The following FANCB variants were observed in gnomAD, a reference collection of about 807,000 sequenced individuals.
FANCB encodes FA complementation group B, also known as Fanconi anemia group B protein.
A neutral mutation model predicts 38.9 loss-of-function variants in FANCB; 5 were observed. That is an observed-to-expected ratio of 0.13 (90% CI 0.07 to 0.27). The LOEUF is 0.27. Among genes scored for constraint, FANCB ranks in the 10% least tolerant of loss-of-function variants. The pLI is 1.00. For synonymous variants in FANCB, 236 were observed against 215.4 expected, an observed-to-expected ratio of 1.10 and a Z score of -0.84; for missense variants, 573 against 602.7, an observed-to-expected ratio of 0.95 and a Z score of 0.52.
At chrX:14,699,580 A>C in the FANCB span, among the ~76,000 whole-genome samples, 4 of 112,377 alleles carry the variant, frequency 3.6e-5, no homozygotes, top group African/African-American at 1.3e-4. Flanking sequence ...TTTCTTCACC[A>C]AATCATCTCT....
the FANCB span, among the ~76,000 whole-genome samples, chrX:14,824,377 T>C: frequency 2.7e-5 from 3 of 112,369 alleles, no homozygotes; most frequent in Non-Finnish European, 5.6e-5. Flanking sequence ...CGGTTTTTTT[T>C]ACACATTATG....
downstream of FANCB, chrX:14,834,822 T>A (rs1456222731): frequency 1.8e-6 from 1 of 556,637 alleles, no homozygotes; most frequent in Non-Finnish European, 3.2e-6. Flanking sequence ...AAAATCATCA[T>A]CATCATCATC....
At chrX:14,831,214 C>T (rs865943574), downstream of FANCB, among the ~76,000 whole-genome samples, 165 of 111,997 alleles carry the variant, frequency 1.5e-3, no homozygotes, top group African/African-American at 5.0e-3. Context: ...TATTAGTTTA[C>T]CACCCACTAT....
the FANCB span, among the ~76,000 whole-genome samples, chrX:14,693,060 AAG>A: frequency 2.7e-3 from 277 of 104,123 alleles, 1 homozygote; most frequent in African/African-American, 8.8e-3. Context: ...AAAAAAAAGA[AAG>A]AGGGAATGCA....
downstream of FANCB, chrX:14,834,678 T>G (rs1472013640): frequency 6.2e-6 from 4 of 646,443 alleles, no homozygotes; most frequent in Non-Finnish European, 1.0e-5. Flanking sequence ...TTTGAAGGAT[T>G]CTTGTCCTTT....
chrX:14,707,809 G>A, the FANCB span, among the ~76,000 whole-genome samples: 1 of 110,374 alleles, frequency 9.1e-6, no homozygotes, highest in African/African-American at 3.3e-5. Context: ...TTAGATGACA[G>A]TCTTTATTTT....
the FANCB span, among the ~76,000 whole-genome samples, chrX:14,811,233 C>G: frequency 9.0e-6 from 1 of 111,363 alleles, no homozygotes; most frequent in Non-Finnish European, 1.9e-5. Flanking sequence ...TAAAGACCAT[C>G]GAGGCTAGGA....
At chrX:14,712,411 C>T in the FANCB span, among the ~76,000 whole-genome samples, 5 of 111,775 alleles carry the variant, frequency 4.5e-5, no homozygotes, top group African/African-American at 1.6e-4. Flanking sequence ...TAGATCCTCT[C>T]CACTAATCGC....
At chrX:14,825,714 T>C in the FANCB span, among the ~76,000 whole-genome samples, 2 of 112,182 alleles carry the variant, frequency 1.8e-5, no homozygotes, top group African/African-American at 6.5e-5. Flanking sequence ...ATCTAGATAT[T>C]ATTATATTGT....
the FANCB span, among the ~76,000 whole-genome samples, chrX:14,724,022 C>T: frequency 4.5e-5 from 5 of 111,943 alleles, no homozygotes; most frequent in East Asian, 1.4e-3. Context: ...CTCTGCAAGC[C>T]TTTTCCAACC....
the FANCB span, among the ~76,000 whole-genome samples, chrX:14,812,354 C>CA: frequency 5.5e-5 from 6 of 108,603 alleles, no homozygotes; most frequent in Admixed American, 9.8e-5. Context: ...AAAAACCCTT[C>CA]AAAAAATCAA....
chrX:14,822,260 T>C, the FANCB span, among the ~76,000 whole-genome samples: 7 of 110,482 alleles, frequency 6.3e-5, no homozygotes, highest in East Asian at 1.7e-3. Context: ...GTAGGCCAAA[T>C]AGATGCTGTG....
downstream of FANCB, among the ~76,000 whole-genome samples, chrX:14,842,502 T>C (rs1601974765): frequency 8.9e-6 from 1 of 111,978 alleles, no homozygotes; most frequent in Non-Finnish European, 1.9e-5. Context: ...TTTTGGCCCA[T>C]ATCCTTTTGC....
chrX:14,690,329 A>G, the FANCB span, among the ~76,000 whole-genome samples: 1 of 112,188 alleles, frequency 8.9e-6, no homozygotes, highest in Non-Finnish European at 1.9e-5. Flanking sequence ...TTTATGGTGT[A>G]TAACATGTTT....
At chrX:14,841,700 C>T (rs906029412), downstream of FANCB, among the ~76,000 whole-genome samples, 8 of 111,621 alleles carry the variant, frequency 7.2e-5, no homozygotes, top group Admixed American at 6.6e-4. Context: ...GTCTCAGAGT[C>T]GTGACCAGGG....
the FANCB span, among the ~76,000 whole-genome samples, chrX:14,787,578 G>A: frequency 9.1e-6 from 1 of 109,301 alleles, no homozygotes; most frequent in Non-Finnish European, 1.9e-5. Context: ...GTAAAGTGTT[G>A]GATATGTTAA....
At chrX:14,858,871 A>T (rs754549112) in intron 4 of FANCB, among the ~76,000 whole-genome samples, 71 of 111,503 alleles carry the variant, frequency 6.4e-4, no homozygotes, top group Non-Finnish European at 1.3e-3. Flanking sequence ...ATTTAATCCA[A>T]TATTATATTT....
the FANCB span, among the ~76,000 whole-genome samples, chrX:14,740,953 A>AACACACGCACACAC: frequency 9.1e-6 from 1 of 110,011 alleles, no homozygotes; most frequent in Non-Finnish European, 1.9e-5. Context: ...CTAATACACA[A>AACACACGCACACAC]ACACATGCAC....
the FANCB span, among the ~76,000 whole-genome samples, chrX:14,771,002 G>A: frequency 1.3e-4 from 14 of 111,707 alleles, no homozygotes; most frequent in South Asian, 3.8e-3. Context: ...TGAGAGGTCC[G>A]CTGTTAGTCT....
Sources: allele counts gnomAD v4.1 joint callset (sites outside exome capture counted in the v4.1 genomes callset), GRCh38; gene constraint gnomAD v4.1.1; transcripts MANE v1.5; gene names NCBI Gene and HGNC (gene_info 2026-07-23, HGNC 2026-07-21).